STIM1: variants seen among roughly 807,000 people sequenced by gnomAD.
STIM1 encodes stromal interaction molecule 1.
Under a neutral mutation model 74.7 loss-of-function variants are expected in STIM1, and 25 were observed. The ratio of observed to expected loss-of-function variants is 0.33; its 90% confidence interval spans 0.24 to 0.47. The LOEUF (loss-of-function observed/expected upper bound fraction) is 0.47, where lower values mean the gene tolerates loss of function less well. STIM1 is among the 20% of genes least tolerant of loss of function. The pLI, the probability that STIM1 is intolerant of heterozygous loss-of-function variation, is 1.00. For synonymous variants in STIM1, 328 were observed against 348.8 expected (o/e 0.94, Z 0.66); for missense variants, 728 against 920.8 (o/e 0.79, Z 2.71).
chr11:4,062,737 T>C (rs1590683961), intron 5 of STIM1, among the ~76,000 whole-genome samples: 1 of 152,146 alleles, frequency 6.6e-6, no homozygotes, highest in Non-Finnish European at 1.5e-5. Flanking sequence ...ATCAGGGCAA[T>C]GCAAATCAAA....
At chr11:4,062,614 C>A (rs1406211795) in intron 5 of STIM1, among the ~76,000 whole-genome samples, 2 of 152,004 alleles carry the variant, frequency 1.3e-5, no homozygotes, top group African/African-American at 4.8e-5. Flanking sequence ...AGGGTGAGAC[C>A]CTCTCTCAAA....
At chr11:3,940,470 A>G in intron 1 of STIM1, among the ~76,000 whole-genome samples, 1 of 152,158 alleles carries the variant, frequency 6.6e-6, no homozygotes, top group East Asian at 1.9e-4. Flanking sequence ...AAGTTAACAT[A>G]ATTCTCTGAA....
intron 2 of STIM1, among the ~76,000 whole-genome samples, chr11:4,014,525 T>C (rs1468280442): frequency 6.6e-6 from 1 of 152,242 alleles, no homozygotes; most frequent in East Asian, 1.9e-4. Flanking sequence ...ATGTATAGTC[T>C]GTTGATTTGG....
At chr11:3,903,924 C>G (rs564861756) in intron 1 of STIM1, among the ~76,000 whole-genome samples, 1 of 152,162 alleles carries the variant, frequency 6.6e-6, no homozygotes, top group Non-Finnish European at 1.5e-5. Context: ...AAAGGCTGGG[C>G]TTGGTGGCTC....
At chr11:4,060,054 G>A (rs1218010852) in intron 5 of STIM1, among the ~76,000 whole-genome samples, 1 of 152,162 alleles carries the variant, frequency 6.6e-6, no homozygotes, top group African/African-American at 2.4e-5. Flanking sequence ...GAATGACCAA[G>A]GAGGACTAAG....
chr11:3,989,519 CT>C, intron 2 of STIM1: 1 of 593,306 alleles, frequency 1.7e-6, no homozygotes, highest in African/African-American at 1.9e-5. Flanking sequence ...CACCGAGAGC[CT>C]TCGCGAAGCT....
intron 1 of STIM1, among the ~76,000 whole-genome samples, chr11:3,910,030 T>C (rs540062766): frequency 1.5e-3 from 234 of 152,074 alleles, no homozygotes; most frequent in Non-Finnish European, 2.7e-3. Flanking sequence ...GAAAAAAATA[T>C]GTTTGAGCAG....
chr11:4,085,367 G>T (rs1374775906), intron 11 of STIM1, among the ~76,000 whole-genome samples: 1 of 152,142 alleles, frequency 6.6e-6, no homozygotes, highest in Non-Finnish European at 1.5e-5. Flanking sequence ...AAGAATAAAG[G>T]TCTGCACTCT....
intron 2 of STIM1, among the ~76,000 whole-genome samples, chr11:4,023,079 C>G (rs2093970968): frequency 6.6e-6 from 1 of 152,160 alleles, no homozygotes; most frequent in Admixed American, 6.5e-5. Context: ...ACCTGTAATC[C>G]TAGCACTTTC....
intron 5 of STIM1, 105 bp from the exon 6 acceptor site, chr11:4,069,921 G>C: frequency 8.2e-7 from 1 of 1,223,822 alleles, no homozygotes; most frequent in Non-Finnish European, 1.2e-6. Flanking sequence ...CAGTGGGAGA[G>C]TGTGTCTGTT....
chr11:3,967,617 C>G lies in STIM1; in HGVS notation c.205C>G (p.Arg69Gly). Reference protein sequence around the residue: ...EDEKLSFEAVRNIHKLMDDDA... With the variant: ...EDEKLSFEAVGNIHKLMDDDA... ...TGAGAAACTCAGCTTCGAGGCAGTC[C>G]GTAACATCCACAAACTGATGGACGA... is the stretch of plus-strand genomic sequence containing the variant. Residue 69 changes from arginine (R) to glycine (G), a missense_variant, in exon 2 of 13, where the codon CGT (arginine) becomes GGT (glycine). Coordinates refer to ENST00000526596, the MANE Select transcript of STIM1 (RefSeq NM_001382567.1). 6.2e-7 allele frequency: 1 copy of G among 1,614,188 alleles called. No individual in the cohort carries two copies. The highest frequency in any genetic ancestry group is 8.5e-7 in the Non-Finnish European group (1 of 1,180,030).
chr11:3,877,608 A>T (rs1396662706), intron 1 of STIM1, among the ~76,000 whole-genome samples: 2 of 152,232 alleles, frequency 1.3e-5, no homozygotes, highest in Non-Finnish European at 2.9e-5. Flanking sequence ...AAGGTAGAGC[A>T]GAGTGTGTTT....
At chr11:3,868,376 T>C (rs2090949636) in intron 1 of STIM1, 1 of 152,250 alleles carries the variant, frequency 6.6e-6, no homozygotes, top group Non-Finnish European at 1.5e-5. Context: ...ATTTTACTGA[T>C]GAAGAAATTG....
chr11:4,039,925 G>A (rs926648047), intron 3 of STIM1, among the ~76,000 whole-genome samples: 10 of 151,748 alleles, frequency 6.6e-5, no homozygotes, highest in African/African-American at 2.4e-4. Flanking sequence ...CCACGATGAC[G>A]CCCAGCTAAT....
chr11:4,028,154 C>T (rs2094013689), intron 3 of STIM1, among the ~76,000 whole-genome samples: 2 of 151,620 alleles, frequency 1.3e-5, no homozygotes, highest in African/African-American at 2.4e-5. Context: ...ATGATCTTTG[C>T]TCACTGCAGC....
intron 2 of STIM1, chr11:3,974,078 G>A: frequency 2.8e-6 from 2 of 704,430 alleles, no homozygotes; most frequent in East Asian, 2.6e-5. Flanking sequence ...AAAGCCCCTG[G>A]AGCACTTGGT....
intron 1 of STIM1, among the ~76,000 whole-genome samples, chr11:3,957,363 T>C (rs2093228148): frequency 6.6e-6 from 1 of 151,948 alleles, no homozygotes; most frequent in African/African-American, 2.4e-5. Context: ...TTCAAGCCGT[T>C]CTCCTGCCTC....
intron 2 of STIM1, among the ~76,000 whole-genome samples, chr11:4,010,260 T>C (rs1344794712): frequency 2.0e-5 from 3 of 151,016 alleles, no homozygotes; most frequent in Non-Finnish European, 2.9e-5. Context: ...AACCTCCGCC[T>C]TCCAGGTTTA....
At chr11:3,903,898 T>C (rs1426258715) in intron 1 of STIM1, among the ~76,000 whole-genome samples, 1 of 152,052 alleles carries the variant, frequency 6.6e-6, no homozygotes, top group Non-Finnish European at 1.5e-5. Flanking sequence ...TAGAGGTACA[T>C]AGAAAATGTC....
Sources: allele counts gnomAD v4.1 joint callset (sites outside exome capture counted in the v4.1 genomes callset), GRCh38; gene constraint gnomAD v4.1.1; transcripts MANE v1.5; gene names NCBI Gene and HGNC (gene_info 2026-07-23, HGNC 2026-07-21).